The following DPP10 variants were observed in gnomAD, a reference collection of about 807,000 sequenced individuals.
The protein encoded by DPP10 is dipeptidyl peptidase like 10.
DPP10 carries 33 observed loss-of-function variants against 120.9 expected under a neutral mutation model. The ratio of observed to expected loss-of-function variants is 0.27; its 90% CI spans 0.21 to 0.37. DPP10 has a LOEUF of 0.37. DPP10 is among the 10% of genes least tolerant of loss of function. DPP10 has a pLI of 1.00. For missense variants in DPP10, 816 were observed against 942.8 expected (o/e 0.87, Z 1.76); for synonymous variants, 337 against 326.1 (o/e 1.03, Z -0.36).
chr2:115,524,170 G>C (rs530980637), intron 4 of DPP10, among the ~76,000 whole-genome samples: 13 of 152,026 alleles, frequency 8.6e-5, no homozygotes, highest in South Asian at 8.3e-4. Context: ...AGGAATTAGC[G>C]TACACCCACA....
chr2:114,996,874 C>A (rs1224026789), intron 1 of DPP10, among the ~76,000 whole-genome samples: 1 of 148,210 alleles, frequency 6.7e-6, no homozygotes, highest in South Asian at 2.2e-4. Context: ...CCCAGCTACT[C>A]GGGAGTCTGA....
At chr2:115,102,927 C>G (rs956806856) in intron 1 of DPP10, among the ~76,000 whole-genome samples, 1 of 152,152 alleles carries the variant, frequency 6.6e-6, no homozygotes, top group Non-Finnish European at 1.5e-5. Flanking sequence ...ACACTGAAAA[C>G]TGTGGAAAGA....
chr2:115,240,862 T>G (rs1346060863), intron 1 of DPP10, among the ~76,000 whole-genome samples: 3 of 152,232 alleles, frequency 2.0e-5, no homozygotes, highest in Non-Finnish European at 2.9e-5. Context: ...GTAACTTGCT[T>G]ATCAGCAACA....
Position 115,161,484 on chromosome 2 carries a change from C to A in DPP10, c.61-147755C>A, listed in dbSNP as rs187797059. ...CTCGCGCCGCTCCGGGCTCTCCCCCCCCCCGGCTGCGGTTGCCGAAGAGAG... is the reference window on the plus strand; with the variant it reads ...CTCGCGCCGCTCCGGGCTCTCCCCCACCCCGGCTGCGGTTGCCGAAGAGAG... On this transcript the variant is annotated intron_variant, in intron 1 of 25. Coordinates refer to ENST00000410059, the MANE Select transcript of DPP10 (RefSeq NM_020868.6). 1,892 of 151,688 alleles carry A rather than the reference C, an allele frequency of 0.012. 98 individuals carry two copies. In the East Asian group the frequency reaches 0.16, roughly 13 times the overall value. The allele number at this position is 151,688 out of a possible 1,614,324, so 9.4% of individuals were successfully genotyped here.
chr2:114,969,724 C>A (rs1182713566), intron 1 of DPP10, among the ~76,000 whole-genome samples: 3 of 152,074 alleles, frequency 2.0e-5, no homozygotes, highest in Non-Finnish European at 4.4e-5. Context: ...CAGGCAAGAA[C>A]CAACCAACCA....
At chr2:115,370,642 G>T (rs934728093) in intron 3 of DPP10, among the ~76,000 whole-genome samples, 7 of 152,078 alleles carry the variant, frequency 4.6e-5, no homozygotes, top group African/African-American at 9.7e-5. Context: ...GGACTCCAGG[G>T]TACTCAGATT....
rs71394121 is a variant in DPP10, at chr2:114,993,580, G to GTGTATATA, written c.61-315658_61-315657insGTATATAT. Among the ~76,000 whole-genome samples the GTGTATATA allele has an allele frequency of 1.4e-3, 139 of 97,344 alleles. 1 individual carries two copies. Among genetic ancestry groups the GTGTATATA allele is most frequent in the Middle Eastern group, 6.5e-3 (1 of 154 alleles). The allele number at this position is 97,344 out of a possible 152,430, so 63.9% of individuals were successfully genotyped here. A position where few individuals can be genotyped will look rare whatever the true frequency, so the allele number is the denominator to read the frequency against. On this transcript the variant is annotated intron_variant, in intron 1 of 25. Coordinates refer to ENST00000410059, the MANE Select transcript of DPP10 (RefSeq NM_020868.6). ...ATTCTTATTATGTGTGTGTGTGTGT[G>GTGTATATA]TATATATATATATATATATATATAT...
intron 3 of DPP10, among the ~76,000 whole-genome samples, chr2:115,385,667 G>A (rs748058330): frequency 2.6e-5 from 4 of 152,076 alleles, no homozygotes; most frequent in African/African-American, 4.8e-5. Context: ...TGTTTAATCA[G>A]ATTTCTATAG....
chr2:115,350,247 A>C (rs1559467502), intron 3 of DPP10, among the ~76,000 whole-genome samples: 2 of 151,582 alleles, frequency 1.3e-5, no homozygotes, highest in Non-Finnish European at 3.0e-5. Flanking sequence ...ATATGGAATT[A>C]TATATATAGT....
intron 21 of DPP10, among the ~76,000 whole-genome samples, chr2:115,817,268 A>G (rs1410113948): frequency 3.9e-5 from 6 of 152,070 alleles, no homozygotes; most frequent in Non-Finnish European, 1.5e-5. Flanking sequence ...AAATAAAAAG[A>G]TGAAAGGAAA....
chr2:114,875,820 A>G (rs193093520), intron 1 of DPP10, among the ~76,000 whole-genome samples: 1 of 152,242 alleles, frequency 6.6e-6, no homozygotes, highest in Admixed American at 6.5e-5. Context: ...AGATACTTTA[A>G]TTAGAATATC....
chr2:114,558,988 G>A (rs1376347028), intron 1 of DPP10, among the ~76,000 whole-genome samples: 1 of 152,142 alleles, frequency 6.6e-6, no homozygotes, highest in Non-Finnish European at 1.5e-5. Flanking sequence ...CCATGTCCGA[G>A]TACATCCCCA....
At chr2:115,557,688 A>T (rs2080302453) in intron 5 of DPP10, among the ~76,000 whole-genome samples, 1 of 152,186 alleles carries the variant, frequency 6.6e-6, no homozygotes, top group Non-Finnish European at 1.5e-5. Flanking sequence ...CAGGTGTTCC[A>T]GAGGTCACAG....
At chr2:114,730,901 T>C (rs1484358180) in intron 1 of DPP10, among the ~76,000 whole-genome samples, 2 of 151,810 alleles carry the variant, frequency 1.3e-5, no homozygotes, top group African/African-American at 4.8e-5. Flanking sequence ...AGCTTTTTTT[T>C]TTCTTTTTTT....
chr2:114,743,314 A>G (rs1159461046), intron 1 of DPP10, among the ~76,000 whole-genome samples: 1 of 152,148 alleles, frequency 6.6e-6, no homozygotes, highest in Non-Finnish European at 1.5e-5. Context: ...GAAGAAGGCA[A>G]TATCATGTTG....
At chr2:114,803,489 G>C (rs1348165628) in intron 1 of DPP10, among the ~76,000 whole-genome samples, 1 of 152,220 alleles carries the variant, frequency 6.6e-6, no homozygotes, top group East Asian at 1.9e-4. Context: ...ACTTCCTAGA[G>C]ACTTGTTGAA....
intron 1 of DPP10, among the ~76,000 whole-genome samples, chr2:114,684,125 A>G (rs953336237): frequency 6.6e-6 from 1 of 151,956 alleles, no homozygotes; most frequent in African/African-American, 2.4e-5. Context: ...GATAGGGAAG[A>G]TTCTTTGTGT....
At chr2:114,613,198 A>T (rs950017741) in intron 1 of DPP10, among the ~76,000 whole-genome samples, 1 of 152,200 alleles carries the variant, frequency 6.6e-6, no homozygotes, top group Admixed American at 6.5e-5. Context: ...AATCTATTCT[A>T]TACACACTCA....
At chr2:115,266,179 A>G (rs553064994) in intron 1 of DPP10, among the ~76,000 whole-genome samples, 51 of 152,112 alleles carry the variant, frequency 3.4e-4, no homozygotes, top group Non-Finnish European at 7.2e-4. Context: ...CATTTTGGGA[A>G]TTACTGTGAG....
Sources: allele counts gnomAD v4.1 joint callset (sites outside exome capture counted in the v4.1 genomes callset), GRCh38; gene constraint gnomAD v4.1.1; transcripts MANE v1.5; gene names NCBI Gene and HGNC (gene_info 2026-07-23, HGNC 2026-07-21).